Variants in SHANK2 observed in about 807,000 individuals in gnomAD.
SHANK2 encodes SH3 and multiple ankyrin repeat domains 2.
In SHANK2, 43 loss-of-function variants were observed where a neutral mutation model predicts 133.7. That is an observed-to-expected ratio of 0.32 (90% CI 0.25 to 0.41). SHANK2 has a LOEUF of 0.41. Among genes scored for constraint, SHANK2 ranks in the 10% least tolerant of loss-of-function variants. The pLI, the probability that SHANK2 is intolerant of heterozygous loss-of-function variation, is 1.00. For missense variants in SHANK2, 1,994 were observed against 2,235.8 expected, an observed-to-expected ratio of 0.89 and a Z score of 2.18; for synonymous variants, 1,017 against 952.8, an observed-to-expected ratio of 1.07 and a Z score of -1.24.
At chr11:70,837,440 C>T (rs1555060327) in intron 11 of SHANK2, among the ~76,000 whole-genome samples, 1 of 152,248 alleles carries the variant, frequency 6.6e-6, no homozygotes, top group Non-Finnish European at 1.5e-5. Flanking sequence ...TGCATTCACG[C>T]TCATGGTCAA....
chr11:70,489,509 C>A (rs2058856244), intron 23 of SHANK2, 161 bp from the exon 24 acceptor site: 1 of 746,792 alleles, frequency 1.3e-6, no homozygotes, highest in Admixed American at 1.8e-5. Context: ...CTGAGACTCA[C>A]AAGCACGCTG....
chr11:70,773,331 G>A (rs1433682682), intron 14 of SHANK2, among the ~76,000 whole-genome samples: 2 of 152,162 alleles, frequency 1.3e-5, no homozygotes, highest in East Asian at 1.9e-4. Flanking sequence ...GGAAACATGC[G>A]AACAACTGCA....
At chr11:70,885,910 C>A (rs1429473924) in intron 11 of SHANK2, among the ~76,000 whole-genome samples, 1 of 152,230 alleles carries the variant, frequency 6.6e-6, no homozygotes, top group Non-Finnish European at 1.5e-5. Context: ...CTCCGCTTTA[C>A]AATTTGGAAC....
At chr11:70,813,790 C>T (rs1239925028) in intron 12 of SHANK2, among the ~76,000 whole-genome samples, 2 of 152,290 alleles carry the variant, frequency 1.3e-5, no homozygotes, top group Non-Finnish European at 2.9e-5. Flanking sequence ...TCACCTCCCT[C>T]CCTGGCTTCC....
chr11:70,769,133 C>T (rs1334301731), intron 14 of SHANK2, among the ~76,000 whole-genome samples: 5 of 151,934 alleles, frequency 3.3e-5, no homozygotes, highest in Non-Finnish European at 7.4e-5. Context: ...AAGAGGTTGG[C>T]GGGGTGAATG....
chr11:70,862,099 C>G (rs1162799796), intron 11 of SHANK2, among the ~76,000 whole-genome samples: 2 of 152,162 alleles, frequency 1.3e-5, no homozygotes, highest in Non-Finnish European at 2.9e-5. Flanking sequence ...GGTGACACCT[C>G]TCCCCACGAT....
intron 14 of SHANK2, among the ~76,000 whole-genome samples, chr11:70,728,251 A>G (rs571984833): frequency 2.6e-5 from 4 of 152,170 alleles, no homozygotes; most frequent in Middle Eastern, 3.4e-3. Flanking sequence ...AGTGTCCCAC[A>G]CCTCCCCAGA....
intron 1 of SHANK2, among the ~76,000 whole-genome samples, chr11:71,236,099 A>G (rs1474894558): frequency 6.6e-6 from 1 of 152,134 alleles, no homozygotes; most frequent in Non-Finnish European, 1.5e-5. Flanking sequence ...CAAAGGCAGG[A>G]CCGGACTGAG....
intron 12 of SHANK2, among the ~76,000 whole-genome samples, chr11:70,818,394 C>T (rs1355329469): frequency 3.9e-5 from 6 of 152,138 alleles, no homozygotes; most frequent in African/African-American, 9.7e-5. Context: ...ATGGTCAGAC[C>T]GCAGCTGCAA....
At chr11:71,206,152 GGAA>G (rs1954122659) in intron 2 of SHANK2, among the ~76,000 whole-genome samples, 1 of 152,150 alleles carries the variant, frequency 6.6e-6, no homozygotes, top group Admixed American at 6.5e-5. Flanking sequence ...CCGTGCTGAT[GGAA>G]GAAGAAGGAT....
intron 3 of SHANK2, among the ~76,000 whole-genome samples, chr11:71,120,628 G>T (rs192132296): frequency 5.9e-5 from 9 of 152,246 alleles, no homozygotes; most frequent in Middle Eastern, 3.4e-3. Context: ...GGCTCTCAAA[G>T]CTCCCCACAG....
At chr11:70,524,133 G>A (rs1423123139) in intron 17 of SHANK2, among the ~76,000 whole-genome samples, 3 of 152,184 alleles carry the variant, frequency 2.0e-5, no homozygotes, top group Non-Finnish European at 4.4e-5. Context: ...ACCAGGTGGC[G>A]ACGGGATCCC....
At chr11:70,944,064 T>C (rs1474466056) in intron 10 of SHANK2, 2 of 428,198 alleles carry the variant, frequency 4.7e-6, no homozygotes, top group Non-Finnish European at 4.7e-6. Context: ...AGCTACATCT[T>C]GTCCACAGCA....
intron 3 of SHANK2, among the ~76,000 whole-genome samples, chr11:71,128,391 G>A (rs1221551892): frequency 6.6e-6 from 1 of 152,128 alleles, no homozygotes. Context: ...CGAGATCTCC[G>A]AGACACAAAC....
At position 70,840,515 on chromosome 11, in the gene SHANK2, G is replaced by A. The variant is rs1158750053; in HGVS notation, c.1175-19833C>T. Among the ~76,000 whole-genome samples, 3 of 152,352 alleles carry A rather than the reference G, an allele frequency of 2.0e-5. No homozygotes were observed. In the East Asian group the frequency reaches 5.8e-4, roughly 29 times the overall value. On this transcript the variant is annotated intron_variant, in intron 11 of 25. Transcript: ENST00000601538. ...GGAGGAGCCCTCAGAGGAGCAGAGT[G>A]TCCATGGGCCTGACTCCTGGGATTC...
At chr11:70,501,249 C>G (rs1353387429) in intron 20 of SHANK2, among the ~76,000 whole-genome samples, 1 of 152,246 alleles carries the variant, frequency 6.6e-6, no homozygotes, top group East Asian at 1.9e-4. Context: ...GCGGCCTGGC[C>G]GGCCTCAGCG....
intron 17 of SHANK2, among the ~76,000 whole-genome samples, chr11:70,528,468 G>T (rs1459350960): frequency 6.6e-6 from 1 of 152,170 alleles, no homozygotes; most frequent in Non-Finnish European, 1.5e-5. Context: ...TGGCACCCAT[G>T]GGAGGGGCTG....
At chr11:70,578,157 C>T (rs2060140068) in intron 17 of SHANK2, among the ~76,000 whole-genome samples, 1 of 152,240 alleles carries the variant, frequency 6.6e-6, no homozygotes, top group South Asian at 2.1e-4. Context: ...ATCTCATACA[C>T]TGTACTCTCG....
chr11:70,608,789 A>G (rs1554993315), intron 17 of SHANK2, among the ~76,000 whole-genome samples: 1 of 152,210 alleles, frequency 6.6e-6, no homozygotes, highest in Non-Finnish European at 1.5e-5. Flanking sequence ...CAGAGAATTG[A>G]TCTCAAATTA....
Sources: allele counts gnomAD v4.1 joint callset (sites outside exome capture counted in the v4.1 genomes callset), GRCh38; gene constraint gnomAD v4.1.1; transcripts MANE v1.5; gene names NCBI Gene and HGNC (gene_info 2026-07-23, HGNC 2026-07-21).